OPCML: variants seen among roughly 807,000 people sequenced by gnomAD.
OPCML encodes the protein opioid-binding protein/cell adhesion molecule.
A neutral mutation model predicts 37.8 loss-of-function variants in OPCML; 13 were observed. That is an observed-to-expected ratio of 0.34 (90% CI 0.22 to 0.55). OPCML has a LOEUF of 0.55. Among genes scored for constraint, OPCML ranks in the 20% least tolerant of loss-of-function variants. The probability of loss-of-function intolerance (pLI) is 0.91; values close to 1 mark genes in which losing one functional copy is unlikely to be tolerated. For missense variants in OPCML, 341 were observed against 435.6 expected (o/e 0.78, Z 1.93); for synonymous variants, 176 against 168.8 (o/e 1.04, Z -0.33).
intron 4 of OPCML, among the ~76,000 whole-genome samples, chr11:132,464,589 A>G (rs1202643627): frequency 6.6e-6 from 1 of 152,214 alleles, no homozygotes; most frequent in Non-Finnish European, 1.5e-5. Flanking sequence ...CTCTACTTTT[A>G]TTAGTTATTC....
intron 4 of OPCML, among the ~76,000 whole-genome samples, chr11:132,479,342 T>G (rs993866378): frequency 6.6e-6 from 1 of 152,004 alleles, no homozygotes; most frequent in South Asian, 2.1e-4. Flanking sequence ...ATCACCAGGA[T>G]ATTATATCCC....
At chr11:132,824,205 C>A (rs1346496197) in intron 2 of OPCML, among the ~76,000 whole-genome samples, 1 of 152,186 alleles carries the variant, frequency 6.6e-6, no homozygotes, top group Non-Finnish European at 1.5e-5. Context: ...TACTAGTCCT[C>A]CTTCTCTGGC....
intron 2 of OPCML, among the ~76,000 whole-genome samples, chr11:132,734,040 T>C (rs992171495): frequency 2.0e-5 from 3 of 152,220 alleles, no homozygotes; most frequent in African/African-American, 4.8e-5. Context: ...ATGTGTACGA[T>C]GGGATAATAA....
intron 3 of OPCML, among the ~76,000 whole-genome samples, chr11:132,571,643 A>G (rs942258889): frequency 1.3e-5 from 2 of 152,172 alleles, no homozygotes; most frequent in African/African-American, 4.8e-5. Context: ...TCATACACAT[A>G]CACCACGTTG....
At chr11:132,499,567 G>C (rs1346281856) in intron 4 of OPCML, among the ~76,000 whole-genome samples, 1 of 152,230 alleles carries the variant, frequency 6.6e-6, no homozygotes, top group Admixed American at 6.5e-5. Flanking sequence ...AGAGGAGGCA[G>C]AGAAATTCCA....
intron 1 of OPCML, chr11:133,024,345 G>A (rs780662382): frequency 2.0e-6 from 2 of 985,062 alleles, no homozygotes; most frequent in Non-Finnish European, 2.4e-6. Context: ...GTTCTTTACA[G>A]GTGAAACAGC....
chr11:133,530,122 C>T (rs1948574322), intron 1 of OPCML, among the ~76,000 whole-genome samples: 3 of 152,184 alleles, frequency 2.0e-5, no homozygotes, highest in Admixed American at 6.5e-5. Context: ...TTGTCATTGT[C>T]GTTCATCCAC....
At chr11:132,682,327 G>T (rs1484166343) in intron 2 of OPCML, among the ~76,000 whole-genome samples, 1 of 152,102 alleles carries the variant, frequency 6.6e-6, no homozygotes, top group Admixed American at 6.5e-5. Flanking sequence ...AAGACCACAA[G>T]AATTTATGTT....
chr11:133,286,809 C>G (rs1942312410), intron 1 of OPCML, among the ~76,000 whole-genome samples: 1 of 152,150 alleles, frequency 6.6e-6, no homozygotes, highest in Non-Finnish European at 1.5e-5. Context: ...CTACAGAAAA[C>G]CATGCTGGAT....
intron 2 of OPCML, among the ~76,000 whole-genome samples, chr11:132,925,557 C>T (rs1944959855): frequency 6.6e-6 from 1 of 152,292 alleles, no homozygotes; most frequent in Admixed American, 6.5e-5. Context: ...GGGGACTCCG[C>T]AAGGACTTAT....
rs964028719 is a variant in OPCML, at chr11:132,635,968, C to A, written c.379+21119G>T. ...AGATAGCTACATGTTGAAAATACTC[C>A]CCCCCGGATACAAGATGTCCATTGT... On this transcript the variant is annotated intron_variant, in intron 3 of 7. Transcript: ENST00000524381. Among the ~76,000 whole-genome samples the A allele has an allele frequency of 1.4e-4, 21 of 150,032 alleles. No individual in the cohort carries two copies. The East Asian group carries it at 2.9e-3, about 21-fold the overall frequency.
At position 132,751,232 on chromosome 11, in the gene OPCML, G is replaced by T. The variant is rs1167888678; in HGVS notation, c.147-93913C>A. Among the ~76,000 whole-genome samples the T allele has an allele frequency of 2.0e-5, 3 of 151,992 alleles. No homozygotes were observed. In the South Asian group the frequency reaches 6.2e-4, roughly 32 times the overall value. On this transcript the variant is annotated intron_variant, in intron 2 of 7. Coordinates refer to ENST00000524381, the MANE Select transcript of OPCML (RefSeq NM_001012393.5). ...CTTATTTTATTCTTTGTGGCCTCTG[G>T]CTGTATTTTTGGTTTACTCCTTTCC...
intron 1 of OPCML, among the ~76,000 whole-genome samples, chr11:133,356,461 G>A (rs1377625981): frequency 6.6e-6 from 1 of 152,184 alleles, no homozygotes; most frequent in Non-Finnish European, 1.5e-5. Flanking sequence ...TGCCTCTCTA[G>A]TTCTCTGACC....
At chr11:133,304,136 C>T (rs1392093956) in intron 1 of OPCML, among the ~76,000 whole-genome samples, 3 of 152,284 alleles carry the variant, frequency 2.0e-5, no homozygotes, top group Admixed American at 6.5e-5. Flanking sequence ...CTCTACATGA[C>T]TGAATCCACA....
intron 3 of OPCML, among the ~76,000 whole-genome samples, chr11:132,555,719 G>GC (rs1444933749): frequency 1.3e-5 from 2 of 152,090 alleles, no homozygotes; most frequent in South Asian, 2.1e-4. Flanking sequence ...GAGCAACCAT[G>GC]CCCCCTTCAT....
chr11:133,461,109 C>G (rs1452603604), intron 1 of OPCML, among the ~76,000 whole-genome samples: 2 of 151,872 alleles, frequency 1.3e-5, no homozygotes, highest in East Asian at 3.9e-4. Context: ...GAGAAACCCA[C>G]AGCTAAAATT....
At chr11:132,684,349 C>A (rs920914529) in intron 2 of OPCML, among the ~76,000 whole-genome samples, 1 of 152,080 alleles carries the variant, frequency 6.6e-6, no homozygotes, top group Admixed American at 6.6e-5. Context: ...TCAGAAAGGT[C>A]GTGTGTCCCA....
At chr11:133,437,668 A>C in intron 1 of OPCML, among the ~76,000 whole-genome samples, 3 of 126,962 alleles carry the variant, frequency 2.4e-5, no homozygotes, top group Non-Finnish European at 5.0e-5. Flanking sequence ...CTCCCCTCTC[A>C]ACCCCGCTCA....
chr11:133,118,962 T>C lies in OPCML; in HGVS notation c.62-175952A>G, dbSNP rs1949380055. Among the ~76,000 whole-genome samples, 11 of 152,358 alleles carry C rather than the reference T, an allele frequency of 7.2e-5. 1 individual carries two copies. Among genetic ancestry groups the C allele is most frequent in the Middle Eastern group, 3.4e-3 (1 of 294 alleles). ...GTAATTTGGCACTGATTAGCAATGTTAGTCCCGAAGGCCAAAGGAGGACTG... is the reference window on the plus strand; with the variant it reads ...GTAATTTGGCACTGATTAGCAATGTCAGTCCCGAAGGCCAAAGGAGGACTG... On this transcript the variant is annotated intron_variant, in intron 1 of 7. Transcript: ENST00000524381.
Sources: allele counts gnomAD v4.1 joint callset (sites outside exome capture counted in the v4.1 genomes callset), GRCh38; gene constraint gnomAD v4.1.1; transcripts MANE v1.5; gene names NCBI Gene and HGNC (gene_info 2026-07-23, HGNC 2026-07-21).